The following DIAPH3 variants were observed in gnomAD, a reference collection of about 807,000 sequenced individuals.
The protein encoded by DIAPH3 is protein diaphanous homolog 3.
DIAPH3 carries 117 observed loss-of-function variants against 144.3 expected under a neutral mutation model. That is an observed-to-expected ratio of 0.81 (90% confidence interval 0.70 to 0.95). The LOEUF (loss-of-function observed/expected upper bound fraction) is 0.95, where lower values mean the gene tolerates loss of function less well. Ranked by LOEUF, DIAPH3 falls within the 40% of genes least tolerant of loss-of-function variation. DIAPH3 has a pLI of 0.00. For synonymous variants in DIAPH3, 519 were observed against 488.9 expected, an observed-to-expected ratio of 1.06 and a Z score of -0.81; for missense variants, 1,421 against 1,412.7, an observed-to-expected ratio of 1.01 and a Z score of -0.09.
chr13:59,770,477 G>A (rs549419669), intron 27 of DIAPH3, among the ~76,000 whole-genome samples: 3 of 152,112 alleles, frequency 2.0e-5, no homozygotes, highest in Admixed American at 1.3e-4. Flanking sequence ...ACATCTTCAG[G>A]GCAGTGTGTA....
rs1018058877 is a variant in DIAPH3 at position 60,095,531 on chromosome 13, G to A, written c.391-1799C>T. On this transcript the variant is annotated intron_variant, in intron 3 of 27. Coordinates refer to ENST00000400324, the MANE Select transcript of DIAPH3 (RefSeq NM_001042517.2). ...CATGGCATTTGTAAATTGTCATGGCGCTAGTGAGAGTGTCTTATGCTAATT... is the reference window on the plus strand; with the variant it reads ...CATGGCATTTGTAAATTGTCATGGCACTAGTGAGAGTGTCTTATGCTAATT... 3.9e-5 allele frequency among the ~76,000 whole-genome samples: 6 copies of A among 152,164 alleles called. No individual in the cohort carries two copies. The East Asian group carries it at 5.8e-4, about 15-fold the overall frequency.
At chr13:60,013,859 A>G (rs1006290922) in intron 7 of DIAPH3, among the ~76,000 whole-genome samples, 5 of 152,194 alleles carry the variant, frequency 3.3e-5, no homozygotes, top group Non-Finnish European at 2.9e-5. Flanking sequence ...AAAATTTCAC[A>G]TATTGCTAGG....
chr13:60,030,479 G>A (rs548711024), intron 5 of DIAPH3, among the ~76,000 whole-genome samples: 2 of 152,242 alleles, frequency 1.3e-5, no homozygotes, highest in Admixed American at 6.5e-5. Flanking sequence ...TCTTGCAAAT[G>A]AGCAGTACAG....
chr13:59,858,877 T>C (rs574079244), intron 22 of DIAPH3, among the ~76,000 whole-genome samples: 7 of 152,224 alleles, frequency 4.6e-5, no homozygotes, highest in Admixed American at 2.0e-4. Context: ...TTTTTGAAAA[T>C]TGTCATACAG....
intron 2 of DIAPH3, among the ~76,000 whole-genome samples, chr13:60,126,165 T>A (rs1283265982): frequency 6.6e-6 from 1 of 151,748 alleles, no homozygotes; most frequent in Non-Finnish European, 1.5e-5. Flanking sequence ...AATAGTAGAA[T>A]CAGGAAAAAC....
chr13:59,980,477 C>G (rs148575824), intron 14 of DIAPH3, among the ~76,000 whole-genome samples: 6 of 151,400 alleles, frequency 4.0e-5, no homozygotes, highest in Non-Finnish European at 8.9e-5. Flanking sequence ...GTGAATAAAA[C>G]AAACAAAATG....
intron 19 of DIAPH3, among the ~76,000 whole-genome samples, chr13:59,914,809 T>A (rs2047151391): frequency 6.6e-6 from 1 of 152,210 alleles, no homozygotes; most frequent in Admixed American, 6.5e-5. Flanking sequence ...ATTCTGCCAA[T>A]ACTTTGATGT....
chr13:59,905,399 C>G (rs866341883), intron 20 of DIAPH3, among the ~76,000 whole-genome samples: 259 of 132,670 alleles, frequency 2.0e-3, no homozygotes, highest in African/African-American at 7.0e-3. Context: ...TCTGGAAGGA[C>G]AATTTGACAG....
chr13:60,127,408 A>G (rs1486667935), intron 2 of DIAPH3, among the ~76,000 whole-genome samples: 1 of 152,192 alleles, frequency 6.6e-6, no homozygotes, highest in African/African-American at 2.4e-5. Context: ...CACATAAAAA[A>G]AAGTTCAACA....
intron 2 of DIAPH3, among the ~76,000 whole-genome samples, chr13:60,126,975 TAATAA>T (rs896938956): frequency 1.3e-5 from 2 of 150,808 alleles, no homozygotes; most frequent in African/African-American, 4.9e-5. Flanking sequence ...GAGAAAAAAA[TAATAA>T]AACAAAAGAA....
intron 17 of DIAPH3, among the ~76,000 whole-genome samples, chr13:59,950,080 T>C (rs1230136482): frequency 6.6e-6 from 1 of 152,212 alleles, no homozygotes; most frequent in Non-Finnish European, 1.5e-5. Context: ...GGTGTCATGC[T>C]AAAACATAGA....
chr13:59,890,031 T>C (rs73543272), intron 20 of DIAPH3, among the ~76,000 whole-genome samples: 11,907 of 152,142 alleles, frequency 0.078, 1,380 homozygotes, highest in African/African-American at 0.26. Context: ...GTTAAGATGA[T>C]CTCTGTAATT....
chr13:60,083,432 T>C (rs986970361), intron 4 of DIAPH3, among the ~76,000 whole-genome samples: 5 of 151,944 alleles, frequency 3.3e-5, no homozygotes, highest in African/African-American at 1.2e-4. Flanking sequence ...AAACTAGATA[T>C]TAATGAAAGA....
At chr13:59,934,169 A>C (rs2048153605) in intron 17 of DIAPH3, among the ~76,000 whole-genome samples, 1 of 152,178 alleles carries the variant, frequency 6.6e-6, no homozygotes, top group Non-Finnish European at 1.5e-5. Context: ...GAGTATTTTA[A>C]ATCAGTAAAT....
chr13:60,004,691 T>G (rs535273241), intron 9 of DIAPH3, among the ~76,000 whole-genome samples: 20 of 152,340 alleles, frequency 1.3e-4, no homozygotes, highest in Admixed American at 9.8e-4. Context: ...TGAATGATGC[T>G]AAAATAATCT....
chr13:60,121,527 T>G (rs956534021), intron 2 of DIAPH3, among the ~76,000 whole-genome samples: 1 of 152,184 alleles, frequency 6.6e-6, no homozygotes, highest in Non-Finnish European at 1.5e-5. Flanking sequence ...GGTTGTATAC[T>G]CTGATGGTTT....
chr13:60,031,018 C>A (rs1261642738), intron 5 of DIAPH3, among the ~76,000 whole-genome samples: 2 of 152,124 alleles, frequency 1.3e-5, no homozygotes, highest in African/African-American at 2.4e-5. Flanking sequence ...TTAGGCCATT[C>A]TTGCATTGCT....
At chr13:60,086,146 G>T (rs1363686813) in intron 4 of DIAPH3, among the ~76,000 whole-genome samples, 1 of 152,030 alleles carries the variant, frequency 6.6e-6, no homozygotes, top group Non-Finnish European at 1.5e-5. Context: ...ATTCTAATGT[G>T]AGCCTAATAT....
intron 22 of DIAPH3, among the ~76,000 whole-genome samples, chr13:59,848,342 T>A (rs904669281): frequency 8.6e-5 from 13 of 150,848 alleles, no homozygotes; most frequent in Admixed American, 2.0e-4. Flanking sequence ...ATACTTTAAG[T>A]TTTAGGGTAC....
Sources: allele counts gnomAD v4.1 joint callset (sites outside exome capture counted in the v4.1 genomes callset), GRCh38; gene constraint gnomAD v4.1.1; transcripts MANE v1.5; gene names NCBI Gene and HGNC (gene_info 2026-07-23, HGNC 2026-07-21).